Variants in FGF14 observed in about 807,000 individuals in gnomAD.
The protein encoded by FGF14 is fibroblast growth factor homologous factor 4.
Under a neutral mutation model 25.5 loss-of-function variants are expected in FGF14, and 5 were observed. The ratio of observed to expected loss-of-function variants is 0.20; its 90% CI spans 0.10 to 0.41. The LOEUF (loss-of-function observed/expected upper bound fraction) is 0.41. Among genes scored for constraint, FGF14 ranks in the 10% least tolerant of loss-of-function variants. The pLI, the probability that FGF14 is intolerant of heterozygous loss-of-function variation, is 1.00. For missense variants in FGF14, 222 were observed against 320.1 expected, an observed-to-expected ratio of 0.69 and a Z score of 2.34; for synonymous variants, 138 against 118.3, an observed-to-expected ratio of 1.17 and a Z score of -1.08.
intron 1 of FGF14, among the ~76,000 whole-genome samples, chr13:102,110,565 A>G (rs1020043508): frequency 6.6e-6 from 1 of 152,144 alleles, no homozygotes; most frequent in Non-Finnish European, 1.5e-5. Flanking sequence ...AAGAGTTCCA[A>G]CAGAACAACA....
intron 1 of FGF14, among the ~76,000 whole-genome samples, chr13:102,222,275 C>T (rs1199470312): frequency 1.3e-5 from 2 of 152,198 alleles, no homozygotes; most frequent in Non-Finnish European, 2.9e-5. Context: ...TAGTCTTATA[C>T]ATGCCATTTC....
At chr13:102,161,617 AAGAAGAAGAAGAAGAAG>A (rs2047694109) in intron 1 of FGF14, among the ~76,000 whole-genome samples, 3 of 7,152 alleles carry the variant, frequency 4.2e-4, no homozygotes, top group Non-Finnish European at 6.3e-4. Flanking sequence ...GAAGAAGAAG[AAGAAGAAGAAGAAGAAG>A]AAGAAGAAGA....
At chr13:102,373,108 G>A (rs922893474) in intron 1 of FGF14, among the ~76,000 whole-genome samples, 12 of 152,106 alleles carry the variant, frequency 7.9e-5, no homozygotes, top group African/African-American at 2.9e-4. Context: ...GTACTCAAAA[G>A]AGCTGTCATA....
chr13:101,950,316 C>A (rs184874155), intron 1 of FGF14, among the ~76,000 whole-genome samples: 2 of 152,128 alleles, frequency 1.3e-5, no homozygotes, highest in Admixed American at 6.5e-5. Flanking sequence ...CTAATTGATA[C>A]GCTTAGGTAT....
intron 1 of FGF14, among the ~76,000 whole-genome samples, chr13:102,022,920 G>A (rs1226101922): frequency 6.6e-6 from 1 of 151,984 alleles, no homozygotes; most frequent in Non-Finnish European, 1.5e-5. Context: ...ATGAGAGGAA[G>A]CACCTTGTGT....
chr13:101,875,078 A>T, intron 2 of FGF14, 108 bp downstream of exon 2: 1 of 784,552 alleles, frequency 1.3e-6, no homozygotes, highest in South Asian at 1.4e-5. Flanking sequence ...ACATTTGTAA[A>T]GATGAACCAA....
At chr13:102,167,125 A>C (rs1212922986) in intron 1 of FGF14, among the ~76,000 whole-genome samples, 1 of 152,042 alleles carries the variant, frequency 6.6e-6, no homozygotes, top group African/African-American at 2.4e-5. Flanking sequence ...ACATGGTGAA[A>C]CCCAATCTCT....
At chr13:101,826,295 C>T (rs966699535) in intron 3 of FGF14, among the ~76,000 whole-genome samples, 11 of 152,062 alleles carry the variant, frequency 7.2e-5, no homozygotes, top group African/African-American at 2.7e-4. Flanking sequence ...AGCAATAAAG[C>T]TTTATCCTGA....
chr13:101,725,020 G>T (rs1409166323), intron 4 of FGF14, among the ~76,000 whole-genome samples: 1 of 151,532 alleles, frequency 6.6e-6, no homozygotes, highest in Non-Finnish European at 1.5e-5. Flanking sequence ...ATTTTACCTC[G>T]GTTAAATGAC....
chr13:102,210,574 G>T (rs2140918533), intron 1 of FGF14, among the ~76,000 whole-genome samples: 1 of 152,262 alleles, frequency 6.6e-6, no homozygotes, highest in East Asian at 1.9e-4. Flanking sequence ...AAGCAAAACA[G>T]CTGACAGAGT....
intron 1 of FGF14, among the ~76,000 whole-genome samples, chr13:102,060,522 T>C (rs1566633453): frequency 6.6e-6 from 1 of 152,208 alleles, no homozygotes; most frequent in Non-Finnish European, 1.5e-5. Flanking sequence ...CGAGACTCTG[T>C]CTCAAAAAAA....
chr13:102,179,071 C>T (rs950099194), intron 1 of FGF14, among the ~76,000 whole-genome samples: 3 of 152,082 alleles, frequency 2.0e-5, no homozygotes, highest in African/African-American at 7.2e-5. Context: ...GTCTGCAGAA[C>T]GGGATTCAGT....
intron 1 of FGF14, among the ~76,000 whole-genome samples, chr13:102,370,701 G>A (rs1305697036): frequency 4.6e-5 from 7 of 152,220 alleles, no homozygotes; most frequent in African/African-American, 1.4e-4. Flanking sequence ...TGTGCATCCT[G>A]TTATTCTTAT....
rs1431903994 is a variant in FGF14 at position 101,860,774 on chromosome 13, C to T, written c.408+7951G>A. ...TTATGATTCTTGAGGCATGTTGAAA[C>T]CACTTAATTGGAGTCTTGGATTCTG... On this transcript the variant is annotated intron_variant, in intron 3 of 4. Transcript: ENST00000376143. Among the ~76,000 whole-genome samples the T allele has an allele frequency of 3.3e-5, 5 of 151,994 alleles. No homozygotes were observed. In the South Asian group the frequency reaches 6.2e-4, roughly 19 times the overall value.
At chr13:101,794,219 A>G (rs961506832) in intron 3 of FGF14, among the ~76,000 whole-genome samples, 10 of 151,902 alleles carry the variant, frequency 6.6e-5, no homozygotes, top group Non-Finnish European at 2.9e-5. Context: ...CCTGCCAGTA[A>G]CTACTGAGGC....
chr13:102,021,603 T>A (rs979913487), intron 1 of FGF14, among the ~76,000 whole-genome samples: 12 of 151,792 alleles, frequency 7.9e-5, no homozygotes, highest in Admixed American at 7.9e-4. Context: ...GGAAGGACAA[T>A]CAGCAAAAGA....
At chr13:101,974,802 T>C (rs1304797855) in intron 1 of FGF14, among the ~76,000 whole-genome samples, 1 of 152,108 alleles carries the variant, frequency 6.6e-6, no homozygotes, top group Non-Finnish European at 1.5e-5. Flanking sequence ...CAAAATCAAA[T>C]TACCACATAA....
chr13:102,050,915 G>C (rs757036095), intron 1 of FGF14, among the ~76,000 whole-genome samples: 1 of 152,208 alleles, frequency 6.6e-6, no homozygotes, highest in Non-Finnish European at 1.5e-5. Context: ...AGAGGATACT[G>C]GCATATCTTG....
intron 1 of FGF14, among the ~76,000 whole-genome samples, chr13:102,061,464 G>C (rs980953461): frequency 6.6e-6 from 1 of 152,138 alleles, no homozygotes; most frequent in African/African-American, 2.4e-5. Flanking sequence ...GGGGAATAAG[G>C]GAAAACTCCT....
Sources: allele counts gnomAD v4.1 joint callset (sites outside exome capture counted in the v4.1 genomes callset), GRCh38; gene constraint gnomAD v4.1.1; transcripts MANE v1.5; gene names NCBI Gene and HGNC (gene_info 2026-07-23, HGNC 2026-07-21).